SORBS2: variants seen among roughly 807,000 people sequenced by gnomAD.
SORBS2 encodes the protein sorbin and SH3 domain containing 2.
SORBS2 carries 46 observed loss-of-function variants against 97.7 expected under a neutral mutation model. The ratio of observed to expected loss-of-function variants is 0.47; its 90% CI spans 0.37 to 0.60. The LOEUF (loss-of-function observed/expected upper bound fraction) is 0.60. Ranked by LOEUF, SORBS2 falls within the 20% of genes least tolerant of loss-of-function variation. SORBS2 has a pLI of 0.00. For synonymous variants in SORBS2, 476 were observed against 473.4 expected, an observed-to-expected ratio of 1.01 and a Z score of -0.07; for missense variants, 1,316 against 1,282.3, an observed-to-expected ratio of 1.03 and a Z score of -0.40.
intron 1 of SORBS2, among the ~76,000 whole-genome samples, chr4:185,797,971 G>C (rs933303301): frequency 3.9e-5 from 6 of 152,166 alleles, no homozygotes; most frequent in Non-Finnish European, 7.3e-5. Context: ...CTCGGCACTT[G>C]TGATGCTGCG....
At chr4:185,630,109 T>C (rs1322563832) in intron 5 of SORBS2, among the ~76,000 whole-genome samples, 1 of 152,228 alleles carries the variant, frequency 6.6e-6, no homozygotes, top group Non-Finnish European at 1.5e-5. Context: ...GTTTTGTACT[T>C]ATGCCTCATT....
intron 1 of SORBS2, among the ~76,000 whole-genome samples, chr4:185,804,371 A>G (rs2099144037): frequency 2.0e-5 from 3 of 152,264 alleles, no homozygotes; most frequent in Non-Finnish European, 4.4e-5. Context: ...AAAAACACGT[A>G]AACAAGACTG....
At chr4:185,646,452 C>T (rs1251732510) in intron 4 of SORBS2, 11 of 467,742 alleles carry the variant, frequency 2.4e-5, no homozygotes, top group South Asian at 2.3e-4. Flanking sequence ...CACATACACA[C>T]ACACATACAC....
chr4:185,746,200 T>C (rs544620655), intron 2 of SORBS2, among the ~76,000 whole-genome samples: 1 of 152,304 alleles, frequency 6.6e-6, no homozygotes, highest in African/African-American at 2.4e-5. Context: ...CGTAGTTGTG[T>C]CTCAAAGTCC....
intron 1 of SORBS2, among the ~76,000 whole-genome samples, chr4:185,871,928 C>T (rs183202195): frequency 6.1e-4 from 93 of 152,354 alleles, no homozygotes; most frequent in African/African-American, 2.1e-3. Flanking sequence ...TCATCCATCT[C>T]TAATGTCATA....
At chr4:185,920,303 G>C (rs2099260355) in intron 1 of SORBS2, among the ~76,000 whole-genome samples, 1 of 152,186 alleles carries the variant, frequency 6.6e-6, no homozygotes, top group Non-Finnish European at 1.5e-5. Context: ...GCCAGCAGCA[G>C]ATCAATTTAC....
chr4:185,896,754 C>T (rs1025625238), intron 1 of SORBS2, among the ~76,000 whole-genome samples: 3 of 151,950 alleles, frequency 2.0e-5, no homozygotes, highest in African/African-American at 7.3e-5. Flanking sequence ...TAACAAAGAG[C>T]CATGTCCTCT....
At chr4:185,946,915 T>G (rs2099274785) in intron 1 of SORBS2, among the ~76,000 whole-genome samples, 1 of 152,242 alleles carries the variant, frequency 6.6e-6, no homozygotes, top group South Asian at 2.1e-4. Context: ...TCCCTGACTA[T>G]GTGTGCCAGG....
chr4:185,640,530 A>G (rs2097109191), intron 4 of SORBS2, among the ~76,000 whole-genome samples: 1 of 152,204 alleles, frequency 6.6e-6, no homozygotes, highest in South Asian at 2.1e-4. Context: ...CCAGTATTAT[A>G]TTTGGTTTAC....
At chr4:185,734,070 G>A (rs1159572079) in intron 2 of SORBS2, 29 bp downstream of exon 3, 1 of 152,596 alleles carries the variant, frequency 6.6e-6, no homozygotes, top group Non-Finnish European at 1.5e-5. Flanking sequence ...CCAGGCAGTG[G>A]CGGGCGGTTT....
At chr4:185,593,724 G>C (rs982331682) in intron 13 of SORBS2, 162 bp downstream of exon 25, 6 of 591,744 alleles carry the variant, frequency 1.0e-5, no homozygotes, top group Non-Finnish European at 1.8e-5. Context: ...TCTGGTCACT[G>C]TCATAAAAGA....
At chr4:185,795,843 C>G (rs1280789971) in intron 1 of SORBS2, among the ~76,000 whole-genome samples, 1 of 152,172 alleles carries the variant, frequency 6.6e-6, no homozygotes, top group Non-Finnish European at 1.5e-5. Flanking sequence ...TCACTATCTT[C>G]TTCCCCCAAA....
intron 6 of SORBS2, 122 bp from the exon 19 acceptor site, chr4:185,624,616 T>TGA: frequency 1.9e-6 from 2 of 1,067,690 alleles, no homozygotes; most frequent in Non-Finnish European, 2.6e-6. Flanking sequence ...AGTTAGTGTG[T>TGA]TTTAATCTAG....
intron 2 of SORBS2, among the ~76,000 whole-genome samples, chr4:185,756,386 G>T (rs998038684): frequency 1.1e-5 from 1 of 92,402 alleles, no homozygotes; most frequent in Non-Finnish European, 3.1e-5. Flanking sequence ...ATTTGATAAG[G>T]AGAATATTTC....
At chr4:185,924,722 C>A (rs1282156102) in intron 1 of SORBS2, among the ~76,000 whole-genome samples, 1 of 152,176 alleles carries the variant, frequency 6.6e-6, no homozygotes, top group African/African-American at 2.4e-5. Flanking sequence ...AATCAGACAC[C>A]GCCTCCTCCA....
intron 1 of SORBS2, among the ~76,000 whole-genome samples, chr4:185,935,716 G>A (rs1046472967): frequency 6.6e-6 from 1 of 152,148 alleles, no homozygotes; most frequent in Non-Finnish European, 1.5e-5. Context: ...ATGTATATGG[G>A]TGGAAAACAT....
intron 2 of SORBS2, among the ~76,000 whole-genome samples, chr4:185,763,902 A>G (rs906341297): frequency 3.3e-5 from 5 of 152,210 alleles, no homozygotes; most frequent in Admixed American, 2.0e-4. Context: ...GATAAAACAA[A>G]TAGAAAAAAT....
At chr4:185,937,252 G>T (rs1244268466) in intron 1 of SORBS2, among the ~76,000 whole-genome samples, 1 of 152,172 alleles carries the variant, frequency 6.6e-6, no homozygotes, top group Non-Finnish European at 1.5e-5. Context: ...AAATACATGT[G>T]ACCTTTTGAA....
intron 11 of SORBS2, among the ~76,000 whole-genome samples, chr4:185,614,139 GTTTTTGATTGTTTTTTTGTGTTTTTT>G (rs1277287629): frequency 7.0e-6 from 1 of 142,100 alleles, no homozygotes; most frequent in East Asian, 2.1e-4. Flanking sequence ...GTTAAAAGAG[GTTTTTGATTGTTTTTTTGTGTTTTTT>G]TTTTTTTTTT....
Sources: gnomAD v4.1 joint callset for allele counts (sites outside exome capture counted in the v4.1 genomes callset) on GRCh38, gnomAD v4.1.1 for gene constraint, MANE v1.5 for transcripts, NCBI Gene and HGNC (gene_info 2026-07-23, HGNC 2026-07-21) for gene names.